The following NEURL1 variants were observed in gnomAD, a reference collection of about 807,000 sequenced individuals.
NEURL1 encodes neuralized E3 ubiquitin protein ligase 1.
A neutral mutation model predicts 41.2 loss-of-function variants in NEURL1; 26 were observed. That is an observed-to-expected ratio of 0.63 (90% CI 0.46 to 0.87). The LOEUF (loss-of-function observed/expected upper bound fraction) is 0.87, where lower values mean the gene tolerates loss of function less well. NEURL1 is among the 40% of genes least tolerant of loss of function. The pLI is 0.00. For missense variants in NEURL1, 761 were observed against 871.1 expected, an observed-to-expected ratio of 0.87 and a Z score of 1.59; for synonymous variants, 400 against 402.3, an observed-to-expected ratio of 0.99 and a Z score of 0.07.
chr10:103,498,515 C>T (rs1004370222), intron 1 of NEURL1, among the ~76,000 whole-genome samples: 1 of 152,194 alleles, frequency 6.6e-6, no homozygotes. Flanking sequence ...TGTGAGCCAC[C>T]GCGCCAGGCC....
chr10:103,588,901 G>C, intron 4 of NEURL1: 1 of 435,414 alleles, frequency 2.3e-6, no homozygotes, highest in Non-Finnish European at 4.5e-6. Flanking sequence ...AGCCGAGGTC[G>C]TGCCACTGCA....
rs200414040 is a variant in NEURL1, at chr10:103,570,968, C to T, written c.182C>T (p.Thr61Met). 2.4e-4 allele frequency: 384 copies of T among 1,614,034 alleles called. 4 individuals are homozygous for T. The Middle Eastern group carries it at 2.5e-3, about 10-fold the overall frequency. Residue 61 changes from threonine (T) to methionine (M), a missense_variant, in exon 2 of 6, where the codon ACG becomes ATG. Coordinates refer to ENST00000369780, the MANE Select transcript of NEURL1 (RefSeq NM_004210.5). ...AVLPSGGLPA[T>M]PLLFHPHTKG... is the part of the protein sequence containing the mutation. Reference sequence around the variant, plus strand: ...CTGCCCAGCGGGGGGCTCCCAGCCACGCCGCTGCTCTTCCACCCGCACACC... The same window carrying T: ...CTGCCCAGCGGGGGGCTCCCAGCCATGCCGCTGCTCTTCCACCCGCACACC...
At chr10:103,503,958 A>ATTTT (rs201010351) in intron 1 of NEURL1, among the ~76,000 whole-genome samples, 3,053 of 125,326 alleles carry the variant, frequency 0.024, 34 homozygotes, top group Non-Finnish European at 0.035. Context: ...CCTGGCTAGT[A>ATTTT]TTTTATTTAT....
chr10:103,585,447 G>C (rs967326949), intron 4 of NEURL1, among the ~76,000 whole-genome samples: 1 of 152,100 alleles, frequency 6.6e-6, no homozygotes, highest in Non-Finnish European at 1.5e-5. Context: ...GGGAAAGCGC[G>C]GATTATTGAG....
rs1387020126 is a variant in NEURL1 at position 103,558,297 on chromosome 10, CG to C, written c.86-12570del. On this transcript the variant is annotated intron_variant, in intron 1 of 5. Coordinates refer to ENST00000369780, the MANE Select transcript of NEURL1 (RefSeq NM_004210.5). This position sits in a 1 kb window ranked among gnomAD's most constrained non-coding sequence, Gnocchi z 4.2. ...AGGACCCAGGACTCTGTATGTGTGT[CG>C]GGGGTCATCTAATTGTGTGTTTTGT... is the stretch of plus-strand genomic sequence containing the variant. The C allele has an allele frequency of 1.0e-6, 1 of 964,650 alleles. No individual in the cohort carries two copies. The highest frequency in any genetic ancestry group is 1.2e-6 in the Non-Finnish European group (1 of 811,220). The allele number at this position is 964,650 out of a possible 1,614,324, so 59.8% of individuals were successfully genotyped here. A position where few individuals can be genotyped will look rare whatever the true frequency, so the allele number is the denominator to read the frequency against.
At position 103,585,188 on chromosome 10, in the gene NEURL1, C is replaced by T. The variant is rs2035891694; in HGVS notation, c.1302C>T (p.Phe434=). 4 of 1,577,940 alleles carry T rather than the reference C, an allele frequency of 2.5e-6. No individual in the cohort carries two copies. The highest frequency in any genetic ancestry group is 3.4e-6 in the Non-Finnish European group (4 of 1,166,680). ...CCTCGCAGCCGCTTTGGATGCTCTT[C>T]GGCCTGCACGGGACCATCACGCAGA... ...VDASQPLWML[F]GLHGTITQIR... The change falls in exon 4 of 6, where the codon TTC becomes TTT. Residue 434 remains phenylalanine (F), a synonymous_variant. Coordinates refer to ENST00000369780, the MANE Select transcript of NEURL1 (RefSeq NM_004210.5).
chr10:103,509,971 C>T lies in NEURL1; in HGVS notation c.85+15499C>T, dbSNP rs774798689. 4.3e-4 allele frequency among the ~76,000 whole-genome samples: 66 copies of T among 152,044 alleles called. 1 individual carries two copies. The highest frequency in any genetic ancestry group is 1.2e-4 in the Non-Finnish European group (8 of 68,022). On this transcript the variant is annotated intron_variant, in intron 1 of 5. Coordinates refer to ENST00000369780, the MANE Select transcript of NEURL1 (RefSeq NM_004210.5). ...AGAGTCCATTTTGGAGCTCAGTATT[C>T]TGGAATTGGGTTGAGATTCTCTCCC...
intron 1 of NEURL1, among the ~76,000 whole-genome samples, chr10:103,537,004 G>A (rs753816632): frequency 2.6e-5 from 4 of 152,084 alleles, no homozygotes; most frequent in Non-Finnish European, 5.9e-5. Flanking sequence ...TCAGATAAGT[G>A]GAATCATACA....
In NEURL1 at chr10:103,494,099, T is replaced by G; in HGVS notation, c.-289T>G. The G allele has an allele frequency of 6.9e-6, 2 of 287,926 alleles. No homozygotes were observed. Among genetic ancestry groups the G allele is most frequent in the South Asian group, 9.0e-5 (1 of 11,140 alleles). 17.8% of individuals were successfully genotyped at this position (287,926 alleles called of 1,614,324 possible). A position where few individuals can be genotyped will look rare whatever the true frequency, so the allele number is the denominator to read the frequency against. The stretch of plus-strand genomic sequence containing the variant: ...GGGAGCAAGCGGGGAGCCCCGGGCG[T>G]CCCCGGCCCCGGCCCAGGGCCCTGC... On this transcript the variant is annotated 5_prime_UTR_variant, in exon 1 of 6. Coordinates refer to ENST00000369780, the MANE Select transcript of NEURL1 (RefSeq NM_004210.5).
chr10:103,547,576 C>T (rs1269888466), intron 1 of NEURL1, among the ~76,000 whole-genome samples: 3 of 152,224 alleles, frequency 2.0e-5, no homozygotes, highest in African/African-American at 7.2e-5. Flanking sequence ...GCAGAATCCC[C>T]AGAGGAAGGA....
At chr10:103,509,234 CAAAA>C (rs56319349) in intron 1 of NEURL1, among the ~76,000 whole-genome samples, 5,839 of 111,540 alleles carry the variant, frequency 0.052, 372 homozygotes, top group African/African-American at 0.16. Flanking sequence ...GACTCTGTCT[CAAAA>C]AAAAAAAAAA....
intron 3 of NEURL1, among the ~76,000 whole-genome samples, chr10:103,577,086 C>G (rs1233765636): frequency 6.6e-6 from 1 of 152,220 alleles, no homozygotes; most frequent in East Asian, 1.9e-4. Context: ...CCTGAGCCAG[C>G]TGTTGGGCTG....
intron 4 of NEURL1, among the ~76,000 whole-genome samples, chr10:103,588,300 C>T (rs1304142478): frequency 3.1e-5 from 4 of 129,648 alleles, no homozygotes; most frequent in African/African-American, 1.2e-4. Flanking sequence ...AGCAAGACTC[C>T]GTCTCAAAAA....
At position 103,588,870 on chromosome 10, in the gene NEURL1, TG is replaced by T. The variant is rs1265688201; in HGVS notation, c.1340-641del. ...CTGAGGCAGGAGAATCTCTTGAACC[TG>T]GGATGTGGAGATTGTAGTGAGCCGA... is the stretch of plus-strand genomic sequence containing the variant. On this transcript the variant is annotated intron_variant, in intron 4 of 5. Coordinates refer to ENST00000369780, the MANE Select transcript of NEURL1 (RefSeq NM_004210.5). 1.1e-5 allele frequency: 5 copies of T among 441,522 alleles called. No homozygotes were observed. The East Asian group carries it at 3.6e-4, about 32-fold the overall frequency. The allele number at this position is 441,522 out of a possible 1,614,324, so 27.4% of individuals were successfully genotyped here.
chr10:103,565,300 A>G (rs1369214867), intron 1 of NEURL1, among the ~76,000 whole-genome samples: 2 of 152,190 alleles, frequency 1.3e-5, no homozygotes, highest in South Asian at 2.1e-4. Context: ...TCAGTGGGTG[A>G]TGATCACACA....
In NEURL1 at chr10:103,507,250, G is replaced by A. The variant is rs187340835; in HGVS notation, c.85+12778G>A. On this transcript the variant is annotated intron_variant, in intron 1 of 5. Transcript: ENST00000369780. ...AGGGGGACAAGTGCTGGCCCTAAAT[G>A]TGATGCAGATGCTCCTCTGCTTAGA... Among the ~76,000 whole-genome samples, 307 of 152,316 alleles carry A rather than the reference G, an allele frequency of 2.0e-3. 1 individual carries two copies. The highest frequency in any genetic ancestry group is 6.3e-3 in the African/African-American group (261 of 41,570).
intron 1 of NEURL1, among the ~76,000 whole-genome samples, chr10:103,538,378 G>A (rs1041053590): frequency 5.3e-5 from 8 of 152,202 alleles, no homozygotes; most frequent in East Asian, 3.9e-4. Context: ...CAAGACCAGC[G>A]TGGACAGCAT....
intron 1 of NEURL1, among the ~76,000 whole-genome samples, chr10:103,502,298 C>T (rs529498574): frequency 6.6e-6 from 1 of 152,280 alleles, no homozygotes; most frequent in Non-Finnish European, 1.5e-5. Context: ...ATACTACAGA[C>T]TGGATGGCTT....
intron 1 of NEURL1, among the ~76,000 whole-genome samples, chr10:103,500,322 T>C (rs569722760): frequency 6.6e-6 from 1 of 152,232 alleles, no homozygotes; most frequent in South Asian, 2.1e-4. Flanking sequence ...CAGAAGGAGG[T>C]AGCATTGTCA....
Sources: allele counts gnomAD v4.1 joint callset (sites outside exome capture counted in the v4.1 genomes callset), GRCh38; gene constraint gnomAD v4.1.1; non-coding constraint Gnocchi (gnomAD v3.1); transcripts MANE v1.5; gene names NCBI Gene and HGNC (gene_info 2026-07-23, HGNC 2026-07-21).